GPC5: variants seen among roughly 807,000 people sequenced by gnomAD.
The protein encoded by GPC5 is glypican-5.
Under a neutral mutation model 53.9 loss-of-function variants are expected in GPC5, and 47 were observed. The observed-to-expected ratio is 0.87, with a 90% confidence interval of 0.69 to 1.11. GPC5 has a LOEUF of 1.11. Among genes scored for constraint, GPC5 ranks in the 50% most tolerant of loss-of-function variants. GPC5 has a pLI of 0.00. For synonymous variants in GPC5, 286 were observed against 263.3 expected (o/e 1.09, Z -0.84); for missense variants, 748 against 713.1 (o/e 1.05, Z -0.56).
At chr13:91,843,625 G>A (rs2038814763) in intron 5 of GPC5, among the ~76,000 whole-genome samples, 1 of 152,144 alleles carries the variant, frequency 6.6e-6, no homozygotes, top group Non-Finnish European at 1.5e-5. Flanking sequence ...TACCAGCAAA[G>A]CTCTTAAATA....
intron 7 of GPC5, among the ~76,000 whole-genome samples, chr13:92,698,542 A>T (rs1594429487): frequency 6.6e-6 from 1 of 152,178 alleles, no homozygotes; most frequent in Admixed American, 6.5e-5. Flanking sequence ...TATATGTGCC[A>T]CATTTTCTTA....
chr13:92,140,810 A>G (rs1177840926), intron 6 of GPC5, among the ~76,000 whole-genome samples: 1 of 152,320 alleles, frequency 6.6e-6, no homozygotes, highest in South Asian at 2.1e-4. Context: ...GGAGATGAGC[A>G]GTTTTATTTT....
chr13:92,724,869 T>TAC (rs1566386460), intron 7 of GPC5, among the ~76,000 whole-genome samples: 1 of 85,368 alleles, frequency 1.2e-5, no homozygotes, highest in Non-Finnish European at 2.6e-5. Flanking sequence ...TTAAGTGTCC[T>TAC]ACACATACAC....
chr13:91,584,713 G>A (rs570195540), intron 2 of GPC5, among the ~76,000 whole-genome samples: 262 of 152,006 alleles, frequency 1.7e-3, no homozygotes, highest in African/African-American at 5.8e-3. Context: ...CTGCCTCAGC[G>A]GGATTACAGG....
chr13:92,473,273 A>T (rs998316630), intron 7 of GPC5, among the ~76,000 whole-genome samples: 14 of 152,240 alleles, frequency 9.2e-5, no homozygotes, highest in Admixed American at 2.0e-4. Flanking sequence ...CCAATAAGAT[A>T]CAGACTTTGA....
intron 7 of GPC5, among the ~76,000 whole-genome samples, chr13:92,731,818 A>G (rs1888813696): frequency 6.6e-6 from 1 of 151,544 alleles, no homozygotes; most frequent in African/African-American, 2.4e-5. Context: ...TAGACAACAG[A>G]TTATTAATAT....
chr13:92,221,702 C>A (rs905492163), intron 7 of GPC5, among the ~76,000 whole-genome samples: 3 of 149,352 alleles, frequency 2.0e-5, no homozygotes, highest in African/African-American at 7.3e-5. Context: ...TGCACGCCAA[C>A]AATATCCATG....
At chr13:92,271,871 T>C (rs2042842184) in intron 7 of GPC5, among the ~76,000 whole-genome samples, 1 of 152,184 alleles carries the variant, frequency 6.6e-6, no homozygotes, top group South Asian at 2.1e-4. Context: ...TAGGCAGTAA[T>C]AAGATGACTG....
At chr13:92,622,034 C>G (rs1477478764) in intron 7 of GPC5, among the ~76,000 whole-genome samples, 1 of 152,168 alleles carries the variant, frequency 6.6e-6, no homozygotes, top group Non-Finnish European at 1.5e-5. Flanking sequence ...TTCTCATTCC[C>G]CCTCCATGTC....
rs182504719 is a variant in GPC5 at position 91,607,840 on chromosome 13, C to G, written c.326-85347C>G. Among the ~76,000 whole-genome samples the G allele has an allele frequency of 4.8e-3, 736 of 152,186 alleles. 6 individuals carry two copies. The highest frequency in any genetic ancestry group is 7.2e-3 in the Non-Finnish European group (488 of 68,016). On this transcript the variant is annotated intron_variant, in intron 2 of 7. Transcript: ENST00000377067. The stretch of plus-strand genomic sequence containing the variant: ...TAAATTAAGGCGTGGACCTTTAATT[C>G]CTTCCCAGGTGGAAGAAGTAGTGAG...
rs572729265 is a variant in GPC5 at position 92,471,668 on chromosome 13, A to G, written c.1561+326679A>G. Among the ~76,000 whole-genome samples the G allele has an allele frequency of 9.9e-5, 15 of 152,262 alleles. No individual in the cohort carries two copies. In the South Asian group the frequency reaches 3.1e-3, roughly 32 times the overall value. ...GAGAGAGGGAGAGAGAATGAGAGTA[A>G]TTAGGAGAATTTCAAGGAGTTGCAG... On this transcript the variant is annotated intron_variant, in intron 7 of 7. Coordinates refer to ENST00000377067, the MANE Select transcript of GPC5 (RefSeq NM_004466.6).
intron 7 of GPC5, among the ~76,000 whole-genome samples, chr13:92,549,894 C>A (rs1420216222): frequency 7.0e-6 from 1 of 143,884 alleles, no homozygotes; most frequent in South Asian, 2.2e-4. Context: ...TACACACACA[C>A]ACACACACAC....
intron 2 of GPC5, among the ~76,000 whole-genome samples, chr13:91,484,298 C>T (rs1883470617): frequency 6.6e-6 from 1 of 152,042 alleles, no homozygotes; most frequent in Non-Finnish European, 1.5e-5. Context: ...TTCCATTTTC[C>T]AAAAAATGAC....
intron 2 of GPC5, among the ~76,000 whole-genome samples, chr13:91,671,796 A>C (rs867432752): frequency 2.0e-5 from 3 of 149,390 alleles, no homozygotes; most frequent in Non-Finnish European, 4.5e-5. Context: ...AAAAAAAAAA[A>C]AAAAAAAAAC....
intron 2 of GPC5, among the ~76,000 whole-genome samples, chr13:91,635,427 T>C (rs1055661643): frequency 2.8e-4 from 42 of 152,086 alleles, no homozygotes; most frequent in African/African-American, 9.9e-4. Context: ...ACCCATGTAC[T>C]ACTATGTGAA....
chr13:92,122,646 T>A (rs1211785337), intron 6 of GPC5, among the ~76,000 whole-genome samples: 1 of 151,690 alleles, frequency 6.6e-6, no homozygotes, highest in Admixed American at 6.6e-5. Flanking sequence ...CAGCATCCAT[T>A]GCTGTTACGC....
chr13:91,897,089 A>C (rs911254708), intron 5 of GPC5, among the ~76,000 whole-genome samples: 2 of 151,854 alleles, frequency 1.3e-5, no homozygotes, highest in Admixed American at 1.3e-4. Context: ...AAAATATATA[A>C]ATTTTTATTT....
chr13:92,146,946 T>C lies in GPC5; in HGVS notation c.1561+1957T>C, dbSNP rs73620803. Among the ~76,000 whole-genome samples, 899 of 152,142 alleles carry C rather than the reference T, an allele frequency of 5.9e-3. 17 individuals carry two copies. The highest frequency in any genetic ancestry group is 0.021 in the African/African-American group (865 of 41,530). ...TTTGGGCTGATTCCATATCTTTTCATGAGAATTATAAAGGTTTGAAAGTGG... is the reference window on the plus strand; with the variant it reads ...TTTGGGCTGATTCCATATCTTTTCACGAGAATTATAAAGGTTTGAAAGTGG... On this transcript the variant is annotated intron_variant, in intron 7 of 7. Transcript: ENST00000377067.
intron 7 of GPC5, among the ~76,000 whole-genome samples, chr13:92,357,682 T>A (rs1161947778): frequency 6.6e-6 from 1 of 151,508 alleles, no homozygotes; most frequent in Non-Finnish European, 1.5e-5. Context: ...AAACTTAATA[T>A]CAGGGCGAAA....
Sources: allele counts gnomAD v4.1 joint callset (sites outside exome capture counted in the v4.1 genomes callset), GRCh38; gene constraint gnomAD v4.1.1; transcripts MANE v1.5; gene names NCBI Gene and HGNC (gene_info 2026-07-23, HGNC 2026-07-21).